Variants in CA10 observed in about 807,000 individuals in gnomAD.
CA10 encodes the protein carbonic anhydrase 10 (inactive).
Under a neutral mutation model 44.2 loss-of-function variants are expected in CA10, and 14 were observed. That is an observed-to-expected ratio of 0.32 (90% CI 0.21 to 0.50). The LOEUF is 0.50. Ranked by LOEUF, CA10 falls within the 20% of genes least tolerant of loss-of-function variation. CA10 has a pLI of 0.99. For synonymous variants in CA10, 159 were observed against 141.6 expected, an observed-to-expected ratio of 1.12 and a Z score of -0.87; for missense variants, 350 against 409.7, an observed-to-expected ratio of 0.85 and a Z score of 1.26.
In CA10 at chr17:52,135,858, C is replaced by A. The variant is rs184032978; in HGVS notation, c.61+21868G>T. Among the ~76,000 whole-genome samples, 1,023 of 152,258 alleles carry A rather than the reference C, an allele frequency of 6.7e-3. 12 individuals are homozygous for A. The highest frequency in any genetic ancestry group is 0.023 in the African/African-American group (959 of 41,530). On this transcript the variant is annotated intron_variant, in intron 1 of 8. Coordinates refer to ENST00000451037, the MANE Select transcript of CA10 (RefSeq NM_020178.5). ...CACCCTAAGGCCCTCTCCTGGCTTC[C>A]CCATTGCTCTTAGCATACACATCCA...
chr17:51,833,270 C>T (rs1252857684), intron 3 of CA10, among the ~76,000 whole-genome samples: 1 of 152,150 alleles, frequency 6.6e-6, no homozygotes, highest in Admixed American at 6.5e-5. Flanking sequence ...GGAATGTCAC[C>T]ACCCTGGAGG....
intron 4 of CA10, among the ~76,000 whole-genome samples, chr17:51,663,530 C>T (rs8078576): frequency 1 from 152,346 of 152,346 alleles, 76,173 homozygotes; most frequent in Non-Finnish European, 1. Context: ...CCTGGGTCTT[C>T]TGGTCTTCTT....
At chr17:52,070,840 A>C (rs1383418592) in intron 2 of CA10, among the ~76,000 whole-genome samples, 1 of 152,164 alleles carries the variant, frequency 6.6e-6, no homozygotes, top group Non-Finnish European at 1.5e-5. Context: ...GTGACCACCC[A>C]GTTCTACCCA....
chr17:51,741,941 A>C (rs1483815555), intron 4 of CA10, among the ~76,000 whole-genome samples: 1 of 152,176 alleles, frequency 6.6e-6, no homozygotes, highest in African/African-American at 2.4e-5. Flanking sequence ...CAGGTAGTAA[A>C]TATTTTGGCT....
At chr17:51,831,408 A>T (rs1169622351) in intron 3 of CA10, among the ~76,000 whole-genome samples, 2 of 152,178 alleles carry the variant, frequency 1.3e-5, no homozygotes, top group African/African-American at 2.4e-5. Flanking sequence ...ATGTGACAAG[A>T]AGTATGGGGC....
intron 3 of CA10, among the ~76,000 whole-genome samples, chr17:51,888,081 C>T (rs2143902947): frequency 6.6e-6 from 1 of 151,946 alleles, no homozygotes; most frequent in Admixed American, 6.6e-5. Context: ...GATCACTTCA[C>T]ATGATAGTTG....
intron 3 of CA10, among the ~76,000 whole-genome samples, chr17:51,802,287 G>A (rs1404708537): frequency 1.3e-5 from 2 of 152,194 alleles, no homozygotes; most frequent in South Asian, 2.1e-4. Context: ...TCCTGGTTCT[G>A]TTTTTCATCA....
At chr17:52,005,705 C>G (rs1985574388) in intron 2 of CA10, among the ~76,000 whole-genome samples, 1 of 151,862 alleles carries the variant, frequency 6.6e-6, no homozygotes, top group Non-Finnish European at 1.5e-5. Flanking sequence ...ATAAACTTTT[C>G]AAAAAGATCC....
At chr17:52,057,203 T>A (rs1987252936) in intron 2 of CA10, among the ~76,000 whole-genome samples, 1 of 152,058 alleles carries the variant, frequency 6.6e-6, no homozygotes, top group East Asian at 1.9e-4. Flanking sequence ...GTAGGTCGAC[T>A]TATACACAGA....
chr17:51,815,981 C>A (rs528830828), intron 3 of CA10, among the ~76,000 whole-genome samples: 8 of 152,192 alleles, frequency 5.3e-5, no homozygotes, highest in Non-Finnish European at 8.8e-5. Context: ...TTTTTATTGA[C>A]CAAAGTTACC....
chr17:51,747,707 T>C lies in CA10; in HGVS notation c.391A>G (p.Ile131Val), dbSNP rs1239917267. The C allele has an allele frequency of 6.2e-7, 1 of 1,614,180 alleles. No homozygotes were observed. The highest frequency in any genetic ancestry group is 1.7e-5 in the Admixed American group (1 of 60,018). Residue 131 changes from isoleucine to valine, a missense_variant, in exon 4 of 9, where the codon ATC becomes GTC. Transcript: ENST00000451037. ...PMTYSHRLEE[I>V]RLHFGSEDSQ... ...TCCTCACTCCCAAAGTGTAGTCGGA[T>C]CTCCTCCAGCCGGTGGCTGTATGTC...
intron 2 of CA10, among the ~76,000 whole-genome samples, chr17:51,952,147 T>C (rs1983508228): frequency 6.6e-6 from 1 of 152,176 alleles, no homozygotes; most frequent in Non-Finnish European, 1.5e-5. Context: ...AAGATATAAT[T>C]TTCTTTCACT....
At chr17:52,006,729 A>G (rs1235320622) in intron 2 of CA10, among the ~76,000 whole-genome samples, 1 of 151,884 alleles carries the variant, frequency 6.6e-6, no homozygotes, top group East Asian at 1.9e-4. Context: ...AGTGTTGATA[A>G]GGAAAAATCT....
intron 3 of CA10, among the ~76,000 whole-genome samples, chr17:51,838,323 A>G (rs1978293978): frequency 6.6e-6 from 1 of 152,238 alleles, no homozygotes; most frequent in Non-Finnish European, 1.5e-5. Context: ...TATCCTTGAT[A>G]TCTTAATGTT....
chr17:52,144,134 T>G (rs1055891645), intron 1 of CA10, among the ~76,000 whole-genome samples: 3 of 152,170 alleles, frequency 2.0e-5, no homozygotes, highest in African/African-American at 7.2e-5. Flanking sequence ...TGGGTAAGGT[T>G]ACCACAAACA....
intron 3 of CA10, among the ~76,000 whole-genome samples, chr17:51,865,036 TG>T (rs60838646): frequency 0.13 from 19,163 of 151,846 alleles, 1,554 homozygotes; most frequent in African/African-American, 0.24. Context: ...TTAGGGAGAG[TG>T]GGGATGGGGA....
At chr17:51,955,597 G>A (rs1228729340) in intron 2 of CA10, among the ~76,000 whole-genome samples, 1 of 152,052 alleles carries the variant, frequency 6.6e-6, no homozygotes, top group Non-Finnish European at 1.5e-5. Context: ...AGAGGCTCCT[G>A]TTTCTGAGAA....
intron 2 of CA10, among the ~76,000 whole-genome samples, chr17:51,960,059 A>G (rs1173522855): frequency 2.0e-5 from 3 of 151,916 alleles, no homozygotes; most frequent in African/African-American, 7.2e-5. Flanking sequence ...AAATGGATGG[A>G]AAGAAATGTT....
chr17:52,030,067 G>C (rs1986418651), intron 2 of CA10, among the ~76,000 whole-genome samples: 1 of 152,168 alleles, frequency 6.6e-6, no homozygotes, highest in Admixed American at 6.6e-5. Flanking sequence ...CTAAAATTGA[G>C]TCCACCAGGG....
Sources: allele counts gnomAD v4.1 joint callset (sites outside exome capture counted in the v4.1 genomes callset), GRCh38; gene constraint gnomAD v4.1.1; transcripts MANE v1.5; gene names NCBI Gene and HGNC (gene_info 2026-07-23, HGNC 2026-07-21).